Variants in NRG1 observed in about 807,000 individuals in gnomAD.
NRG1 encodes the protein neuregulin 1, also known as pro-neuregulin-1, membrane-bound isoform.
In NRG1, 18 loss-of-function variants were observed where a neutral mutation model predicts 63.8. The observed-to-expected ratio is 0.28, with a 90% confidence interval of 0.19 to 0.42. NRG1 has a LOEUF of 0.42. Ranked by LOEUF, NRG1 falls within the 10% of genes least tolerant of loss-of-function variation. The pLI, the probability that NRG1 is intolerant of heterozygous loss-of-function variation, is 1.00. For missense variants in NRG1, 762 were observed against 814.7 expected, an observed-to-expected ratio of 0.94 and a Z score of 0.79; for synonymous variants, 302 against 301.3, an observed-to-expected ratio of 1.00 and a Z score of -0.02.
At chr8:31,959,863 T>C (rs1019696822) in intron 1 of NRG1, among the ~76,000 whole-genome samples, 1 of 150,808 alleles carries the variant, frequency 6.6e-6, no homozygotes, top group African/African-American at 2.4e-5. Context: ...CTCACTATGC[T>C]GCCCAGGCCG....
At chr8:32,398,096 G>T (rs1190300020) in intron 1 of NRG1, among the ~76,000 whole-genome samples, 1 of 152,194 alleles carries the variant, frequency 6.6e-6, no homozygotes, top group Non-Finnish European at 1.5e-5. Flanking sequence ...GTATGTGATT[G>T]TTGAGCAGGG....
chr8:32,438,521 T>C (rs1022237015), intron 1 of NRG1, among the ~76,000 whole-genome samples: 1 of 152,190 alleles, frequency 6.6e-6, no homozygotes, highest in African/African-American at 2.4e-5. Context: ...TAAACATACA[T>C]TTTCATTTCT....
intron 1 of NRG1, among the ~76,000 whole-genome samples, chr8:32,229,150 T>G (rs1272347636): frequency 1.3e-5 from 2 of 152,180 alleles, no homozygotes; most frequent in Non-Finnish European, 1.5e-5. Flanking sequence ...GCATGATATT[T>G]CCTGTTGGCA....
At chr8:31,885,122 A>G (rs1830622722) in intron 1 of NRG1, among the ~76,000 whole-genome samples, 1 of 152,168 alleles carries the variant, frequency 6.6e-6, no homozygotes, top group Admixed American at 6.5e-5. Context: ...ATGCAGACTC[A>G]TGAAGTGCAG....
chr8:31,980,992 C>A (rs540903209), intron 1 of NRG1, among the ~76,000 whole-genome samples: 66 of 152,082 alleles, frequency 4.3e-4, no homozygotes, highest in African/African-American at 1.4e-3. Flanking sequence ...AATATTTCTT[C>A]TACCTATTTA....
chr8:32,146,087 T>C lies in NRG1; in HGVS notation c.38-449741T>C, dbSNP rs116259516. ...TGTATATCAAGGACATGTGAGCAAA[T>C]GGGAAATCTAATTGCCCAGTGCCTC... On this transcript the variant is annotated intron_variant, in intron 1 of 10. Transcript: ENST00000519301. 9.2e-3 allele frequency among the ~76,000 whole-genome samples: 1,396 copies of C among 152,278 alleles called. 18 individuals carry two copies. Among genetic ancestry groups the C allele is most frequent in the African/African-American group, 0.032 (1,337 of 41,554 alleles).
At chr8:32,255,681 G>T (rs948795756) in intron 1 of NRG1, among the ~76,000 whole-genome samples, 1 of 152,140 alleles carries the variant, frequency 6.6e-6, no homozygotes, top group Admixed American at 6.5e-5. Context: ...TGACGATTGT[G>T]TGTCTTGGGG....
intron 1 of NRG1, among the ~76,000 whole-genome samples, chr8:32,167,921 T>C (rs1332030237): frequency 6.6e-6 from 1 of 152,200 alleles, no homozygotes; most frequent in Non-Finnish European, 1.5e-5. Flanking sequence ...AGGAAATGGC[T>C]TTATCATCTG....
chr8:32,531,240 T>C (rs1001069212), intron 1 of NRG1, among the ~76,000 whole-genome samples: 1 of 151,930 alleles, frequency 6.6e-6, no homozygotes, highest in Non-Finnish European at 1.5e-5. Context: ...CTAATGAAAA[T>C]TCTAGAAAAC....
intron 1 of NRG1, among the ~76,000 whole-genome samples, chr8:31,665,788 G>A (rs1042062633): frequency 2.6e-5 from 4 of 152,004 alleles, no homozygotes; most frequent in African/African-American, 7.3e-5. Flanking sequence ...GAAATGGTGC[G>A]ATATGACCCA....
chr8:32,057,082 G>C lies in NRG1; in HGVS notation c.37+417651G>C, dbSNP rs578041749. On this transcript the variant is annotated intron_variant, in intron 1 of 10. Coordinates refer to the NRG1 transcript ENST00000519301. The stretch of plus-strand genomic sequence containing the variant: ...TTCTGGGACACCTTCAAAGATGTCA[G>C]CTTCTTCACCATAAAGATGGCAAAA... Among the ~76,000 whole-genome samples the C allele has an allele frequency of 4.7e-4, 71 of 152,260 alleles. 1 individual carries two copies. The South Asian group carries it at 0.014, about 29-fold the overall frequency.
intron 1 of NRG1, among the ~76,000 whole-genome samples, chr8:31,947,480 A>C (rs1326346981): frequency 6.6e-6 from 1 of 152,170 alleles, no homozygotes; most frequent in Non-Finnish European, 1.5e-5. Context: ...CATGGAGAAG[A>C]AGCAGTATTA....
chr8:31,847,396 G>A (rs1002525249), intron 1 of NRG1, among the ~76,000 whole-genome samples: 24 of 152,058 alleles, frequency 1.6e-4, no homozygotes, highest in African/African-American at 5.6e-4. Flanking sequence ...TTACTTTCAG[G>A]GTGTTCGGAT....
intron 1 of NRG1, among the ~76,000 whole-genome samples, chr8:31,757,653 A>T (rs564934067): frequency 2.6e-5 from 4 of 152,242 alleles, no homozygotes; most frequent in African/African-American, 9.6e-5. Context: ...TCCTCAGTTT[A>T]TGTCCTGTAG....
At chr8:32,056,505 C>G (rs16875655) in intron 1 of NRG1, among the ~76,000 whole-genome samples, 2 of 152,026 alleles carry the variant, frequency 1.3e-5, no homozygotes, top group East Asian at 3.9e-4. Flanking sequence ...ATTCATCGAG[C>G]CTCAATCATA....
At chr8:32,194,913 G>T (rs550181309) in intron 1 of NRG1, among the ~76,000 whole-genome samples, 3 of 152,172 alleles carry the variant, frequency 2.0e-5, no homozygotes, top group Middle Eastern at 3.4e-3. Context: ...ATGAAAAAAA[G>T]ATTTCTAAAT....
chr8:32,080,085 T>G (rs1827221560), intron 1 of NRG1, among the ~76,000 whole-genome samples: 2 of 152,206 alleles, frequency 1.3e-5, no homozygotes, highest in South Asian at 2.1e-4. Flanking sequence ...ATGCATCTAC[T>G]TAGCAATGTC....
At chr8:32,507,877 T>C (rs1355496196) in intron 1 of NRG1, among the ~76,000 whole-genome samples, 1 of 152,104 alleles carries the variant, frequency 6.6e-6, no homozygotes, top group Non-Finnish European at 1.5e-5. Flanking sequence ...TTTGTATTTT[T>C]AGTAGAGATG....
chr8:32,350,147 C>T (rs1003884938), intron 1 of NRG1, among the ~76,000 whole-genome samples: 1 of 152,136 alleles, frequency 6.6e-6, no homozygotes, highest in African/African-American at 2.4e-5. Context: ...ACCCTCCTAT[C>T]TTCTTTCCCA....
Sources: allele counts gnomAD v4.1 joint callset (sites outside exome capture counted in the v4.1 genomes callset), GRCh38; gene constraint gnomAD v4.1.1; transcripts MANE v1.5; gene names NCBI Gene and HGNC (gene_info 2026-07-23, HGNC 2026-07-21).